The following GALNTL5 variants were observed in gnomAD, a reference collection of about 807,000 sequenced individuals.
The protein encoded by GALNTL5 is inactive polypeptide N-acetylgalactosaminyltransferase-like protein 5.
GALNTL5 carries 44 observed loss-of-function variants against 51.0 expected under a neutral mutation model. The ratio of observed to expected loss-of-function variants is 0.86; its 90% confidence interval spans 0.68 to 1.11. GALNTL5 has a LOEUF of 1.11. GALNTL5 is among the 50% of genes least tolerant of loss of function. GALNTL5 has a pLI of 0.00. For missense variants in GALNTL5, 528 were observed against 531.8 expected, an observed-to-expected ratio of 0.99 and a Z score of 0.07; for synonymous variants, 192 against 182.8, an observed-to-expected ratio of 1.05 and a Z score of -0.41.
rs762866853 is a variant in GALNTL5 at position 152,019,708 on chromosome 7, T to C, written c.1239T>C (p.Arg413=). ...KYVTYGNIRE[R]VELRKRLGCK... is the part of the protein sequence containing the mutation. ...TCACCTACGGAAATATTCGCGAGCG[T>C]GTTGAGTTAAGGAAACGACTGGGTT... Residue 413 remains arginine (R), a synonymous_variant, in exon 9 of 9, where the codon CGT becomes CGC. Coordinates refer to ENST00000392800, the MANE Select transcript of GALNTL5 (RefSeq NM_145292.4). 27 of 1,613,590 alleles carry C rather than the reference T, an allele frequency of 1.7e-5. No individual in the cohort carries two copies. Among genetic ancestry groups the C allele is most frequent in the Non-Finnish European group, 2.3e-5 (27 of 1,179,592 alleles).
At chr7:152,007,697 C>T in intron 6 of GALNTL5, 130 bp from the exon 7 acceptor site, 1 of 677,856 alleles carries the variant, frequency 1.5e-6, no homozygotes, top group Non-Finnish European at 2.6e-6. Flanking sequence ...GGATTACAGG[C>T]ATGAGCCTCC....
At position 152,002,966 on chromosome 7, in the gene GALNTL5, G is replaced by A. The variant is rs1365757624; in HGVS notation, c.908+3G>A. On this transcript the variant is annotated splice_donor_region_variant and intron_variant, in intron 6 of 8. Coordinates refer to ENST00000392800, the MANE Select transcript of GALNTL5 (RefSeq NM_145292.4). ...GAAGGATCTACTAAACCAATCCGGT[G>A]AGATTTCTTCTGGTTTTGGAAAAAT... The A allele has an allele frequency of 1.9e-6, 3 of 1,612,196 alleles. 1 individual carries two copies. The highest frequency in any genetic ancestry group is 3.3e-4 in the Middle Eastern group (2 of 6,046).
chr7:151,985,238 G>T (rs2081346653), intron 4 of GALNTL5, among the ~76,000 whole-genome samples: 1 of 152,186 alleles, frequency 6.6e-6, no homozygotes, highest in Non-Finnish European at 1.5e-5. Flanking sequence ...CCGGCCGTAA[G>T]ATCTGTCAAC....
chr7:151,980,505 C>T (rs1489165138), intron 3 of GALNTL5, among the ~76,000 whole-genome samples: 1 of 152,154 alleles, frequency 6.6e-6, no homozygotes. Context: ...CCCTGTCCCT[C>T]GGACTCTCCA....
chr7:151,980,903 G>A (rs890461455), intron 3 of GALNTL5, among the ~76,000 whole-genome samples: 34 of 150,378 alleles, frequency 2.3e-4, no homozygotes, highest in Admixed American at 1.9e-3. Context: ...CCGCCACTGC[G>A]CCCGGCTAAA....
intron 5 of GALNTL5, among the ~76,000 whole-genome samples, chr7:152,001,886 A>G (rs992644347): frequency 7.9e-5 from 12 of 152,202 alleles, no homozygotes; most frequent in African/African-American, 2.9e-4. Flanking sequence ...TACACTGGCT[A>G]CAAGAAAAAG....
At chr7:152,018,268 T>C (rs2081844532) in intron 8 of GALNTL5, among the ~76,000 whole-genome samples, 1 of 152,214 alleles carries the variant, frequency 6.6e-6, no homozygotes, top group African/African-American at 2.4e-5. Flanking sequence ...TGGGGTAATA[T>C]CCAAATGATC....
In GALNTL5 at chr7:151,983,100, G is replaced by A. The variant is rs760166425; in HGVS notation, c.483G>A (p.Thr161=). ...CCATGTCCAGTGTCACGAACCTCAC[G>A]CCACACTATTTTCTTGAAGAAATTA... ...FQTMSSVTNL[T]PHYFLEEIIL... is the part of the protein sequence containing the mutation. The change falls in exon 4 of 9, where the codon ACG becomes ACA. Residue 161 remains threonine, a synonymous_variant. Transcript: ENST00000392800. The A allele has an allele frequency of 1.9e-5, 31 of 1,613,974 alleles. No homozygotes were observed. The highest frequency in any genetic ancestry group is 1.6e-4 in the Middle Eastern group (1 of 6,084).
At chr7:151,993,132 G>C (rs2081448698) in intron 5 of GALNTL5, among the ~76,000 whole-genome samples, 1 of 151,932 alleles carries the variant, frequency 6.6e-6, no homozygotes, top group Non-Finnish European at 1.5e-5. Flanking sequence ...TACTCAGGAG[G>C]CTGAGGCAGG....
At chr7:151,986,252 T>C (rs1211956313) in intron 4 of GALNTL5, among the ~76,000 whole-genome samples, 1 of 152,204 alleles carries the variant, frequency 6.6e-6, no homozygotes, top group African/African-American at 2.4e-5. Context: ...CAAACCCAGA[T>C]TGCGCCAAAG....
chr7:151,957,615 A>G (rs1338467261), intron 1 of GALNTL5, among the ~76,000 whole-genome samples: 1 of 151,784 alleles, frequency 6.6e-6, no homozygotes, highest in Admixed American at 6.6e-5. Context: ...GATTTAGGCT[A>G]GGGTTTTGGC....
At chr7:151,972,474 T>C (rs1017297031) in intron 3 of GALNTL5, among the ~76,000 whole-genome samples, 31 of 150,702 alleles carry the variant, frequency 2.1e-4, no homozygotes, top group Non-Finnish European at 3.4e-4. Flanking sequence ...GCCAAGACAA[T>C]GGGGAAAATG....
chr7:152,002,961 C>A lies in GALNTL5; in HGVS notation c.906C>A (p.Ile302=), dbSNP rs763047386. Residue 302 remains isoleucine (I), a splice_region_variant and synonymous_variant, in exon 6 of 9, where the codon ATC becomes ATA. Coordinates refer to ENST00000392800, the MANE Select transcript of GALNTL5 (RefSeq NM_145292.4). The part of the protein sequence containing the change: ...MDGPEGSTKP[I]RSPAMSGGIF... ...GACCAGAAGGATCTACTAAACCAAT[C>A]CGGTGAGATTTCTTCTGGTTTTGGA... 2.5e-6 allele frequency: 4 copies of A among 1,612,518 alleles called. No homozygotes were observed. In the Admixed American group the frequency reaches 6.7e-5, roughly 27 times the overall value.
chr7:152,014,057 C>A (rs1416955679), intron 7 of GALNTL5, among the ~76,000 whole-genome samples: 1 of 152,086 alleles, frequency 6.6e-6, no homozygotes, highest in East Asian at 1.9e-4. Context: ...GAGGCAGAAC[C>A]CCTTCATCTT....
In GALNTL5 at chr7:152,007,917, A is replaced by G; in HGVS notation, c.999A>G (p.Gly333=). ...ATGACAAGGATATGGATTTTTGGGG[A>G]AGAGAAAATTTGGAACTTTCACTAA... ...GQYDKDMDFW[G]RENLELSLRI... Residue 333 remains glycine, a synonymous_variant, in exon 7 of 9, where the codon GGA becomes GGG. Coordinates refer to ENST00000392800, the MANE Select transcript of GALNTL5 (RefSeq NM_145292.4). The G allele has an allele frequency of 2.5e-6, 4 of 1,606,108 alleles. No individual in the cohort carries two copies. Among genetic ancestry groups the G allele is most frequent in the Non-Finnish European group, 3.4e-6 (4 of 1,173,500 alleles).
In GALNTL5 at chr7:152,005,535, T is replaced by C. The variant is rs115106458; in HGVS notation, c.909-2292T>C. The stretch of plus-strand genomic sequence containing the variant: ...TTCTCTTTGGGGCATATTTGAGATG[T>C]CTATTTGGCATTCAAGTGGGGATGT... On this transcript the variant is annotated intron_variant, in intron 6 of 8. Transcript: ENST00000392800. Among the ~76,000 whole-genome samples the C allele has an allele frequency of 9.8e-3, 1,493 of 152,258 alleles. 25 individuals carry two copies. Among genetic ancestry groups the C allele is most frequent in the African/African-American group, 0.034 (1,431 of 41,536 alleles).
chr7:151,959,853 G>A (rs1289386332), intron 1 of GALNTL5, among the ~76,000 whole-genome samples: 1 of 152,140 alleles, frequency 6.6e-6, no homozygotes, highest in Non-Finnish European at 1.5e-5. Context: ...AGCCTTGTTG[G>A]GGAGCAGTGG....
intron 1 of GALNTL5, among the ~76,000 whole-genome samples, chr7:151,962,218 G>C (rs2080999864): frequency 6.6e-6 from 1 of 151,782 alleles, no homozygotes; most frequent in African/African-American, 2.4e-5. Context: ...GGTCAGGCTG[G>C]TCTTGAACTC....
chr7:152,010,828 C>T (rs1039915930), intron 7 of GALNTL5, among the ~76,000 whole-genome samples: 4 of 151,886 alleles, frequency 2.6e-5, no homozygotes, highest in Non-Finnish European at 5.9e-5. Context: ...ATTATGGGAC[C>T]CTCTAAAAGG....
Sources: allele counts gnomAD v4.1 joint callset (sites outside exome capture counted in the v4.1 genomes callset), GRCh38; gene constraint gnomAD v4.1.1; transcripts MANE v1.5; gene names NCBI Gene and HGNC (gene_info 2026-07-23, HGNC 2026-07-21).